Variants in SEC62 observed in about 807,000 individuals in gnomAD.
The protein encoded by SEC62 is translocation protein SEC62.
A neutral mutation model predicts 47.5 loss-of-function variants in SEC62; 10 were observed. That is an observed-to-expected ratio of 0.21 (90% CI 0.13 to 0.36). SEC62 has a LOEUF of 0.36. Ranked by LOEUF, SEC62 falls within the 10% of genes least tolerant of loss-of-function variation. The pLI, the probability that SEC62 is intolerant of heterozygous loss-of-function variation, is 1.00. For synonymous variants in SEC62, 136 were observed against 150.5 expected (o/e 0.90, Z 0.71); for missense variants, 327 against 464.1 (o/e 0.70, Z 2.71).
At chr3:169,975,452 T>C in intron 1 of SEC62, 156 bp from the exon 2 acceptor site, 1 of 505,536 alleles carries the variant, frequency 2.0e-6, no homozygotes, top group Non-Finnish European at 3.5e-6. Flanking sequence ...TCCATTTTTG[T>C]CTTTTGAATA....
At chr3:169,979,279 A>G (rs1714916071) in intron 3 of SEC62, among the ~76,000 whole-genome samples, 3 of 152,228 alleles carry the variant, frequency 2.0e-5, no homozygotes. Context: ...CCAATAGCAG[A>G]CAAAATCACA....
intron 7 of SEC62, among the ~76,000 whole-genome samples, chr3:169,990,842 A>G (rs973676751): frequency 1.3e-5 from 2 of 152,236 alleles, no homozygotes; most frequent in Admixed American, 6.5e-5. Context: ...CAAGACAGCT[A>G]TAACGATTTT....
chr3:169,988,206 T>C (rs1261857935), intron 6 of SEC62, 34 bp from the exon 7 acceptor site: 1 of 1,611,980 alleles, frequency 6.2e-7, no homozygotes, highest in Non-Finnish European at 8.5e-7. Context: ...AAGTTTTTAT[T>C]CTAAAATTTA....
intron 7 of SEC62, among the ~76,000 whole-genome samples, chr3:169,990,485 A>ATG (rs2108288639): frequency 6.6e-6 from 1 of 152,276 alleles, no homozygotes; most frequent in Non-Finnish European, 1.5e-5. Context: ...AGTGCCACAT[A>ATG]GCGAAAAACT....
In SEC62 at chr3:169,998,348, A is replaced by G. The variant is rs1055772687; in HGVS notation, c.*5285A>G. 1.3e-5 allele frequency: 2 copies of G among 152,200 alleles called. No homozygotes were observed. The highest frequency in any genetic ancestry group is 4.8e-5 in the African/African-American group (2 of 41,448). The allele number at this position is 152,200 out of a possible 1,614,324, so 9.4% of individuals were successfully genotyped here. On this transcript the variant is annotated 3_prime_UTR_variant, in exon 8 of 8. Coordinates refer to ENST00000337002, the MANE Select transcript of SEC62 (RefSeq NM_003262.4). ...TTGATAGATTATATCTTACTCCTAA[A>G]TAAAAAGTCAAGATTTTTGTAGCAA...
At position 169,992,104 on chromosome 3, in the gene SEC62, T is replaced by C. The variant is rs552653341; in HGVS notation, c.731-490T>C. On this transcript the variant is annotated intron_variant, in intron 7 of 7. Coordinates refer to ENST00000337002, the MANE Select transcript of SEC62 (RefSeq NM_003262.4). This position sits in a 1 kb window ranked among gnomAD's most constrained non-coding sequence, Gnocchi z 4.0. ...AAACACCTTTCATCTCTTTATTTTA[T>C]TCTTTTCCTACACCATGATCTTATG... Among the ~76,000 whole-genome samples the C allele has an allele frequency of 3.3e-5, 5 of 152,368 alleles. No individual in the cohort carries two copies. Among genetic ancestry groups the C allele is most frequent in the African/African-American group, 1.2e-4 (5 of 41,592 alleles).
intron 5 of SEC62, among the ~76,000 whole-genome samples, chr3:169,984,557 C>T (rs1715053888): frequency 6.6e-6 from 1 of 152,138 alleles, no homozygotes; most frequent in South Asian, 2.1e-4. Flanking sequence ...TGAGCAAACG[C>T]ATGGGTGCTT....
At chr3:169,980,449 T>A (rs1053525159) in intron 3 of SEC62, among the ~76,000 whole-genome samples, 3 of 152,182 alleles carry the variant, frequency 2.0e-5, no homozygotes, top group Admixed American at 2.0e-4. Context: ...ATAATGTCAG[T>A]CTCATCTTTC....
At position 169,993,469 on chromosome 3, in the gene SEC62, C is replaced by A. The variant is rs2108290158; in HGVS notation, c.*406C>A. ...ATTATGCATAGTTATGTAGCCATTT[C>A]ACAGTTTCTTTAAGATGTGTAAACT... On this transcript the variant is annotated 3_prime_UTR_variant, in exon 8 of 8. Coordinates refer to ENST00000337002, the MANE Select transcript of SEC62 (RefSeq NM_003262.4). The A allele has an allele frequency of 6.3e-6, 1 of 157,516 alleles. No individual in the cohort carries two copies. Among genetic ancestry groups the A allele is most frequent in the South Asian group, 2.0e-4 (1 of 5,128 alleles). The allele number at this position is 157,516 out of a possible 1,614,324, so 9.8% of individuals were successfully genotyped here.
At chr3:169,970,024 C>T (rs1327323230) in intron 1 of SEC62, among the ~76,000 whole-genome samples, 1 of 152,130 alleles carries the variant, frequency 6.6e-6, no homozygotes, top group Non-Finnish European at 1.5e-5. Context: ...GACTATATAG[C>T]CAGACTATAC....
intron 5 of SEC62, chr3:169,985,571 AC>A: frequency 2.7e-6 from 1 of 372,486 alleles, no homozygotes; most frequent in Non-Finnish European, 4.8e-6. Flanking sequence ...GTAAGAACAT[AC>A]AAATTTACTT....
In SEC62 at chr3:169,992,869, G is replaced by A. The variant is rs377711845; in HGVS notation, c.1006G>A (p.Gly336Arg). Reference protein sequence around the residue: ...GPGNHGTEGSGGERHSDTDSD... With the variant: ...GPGNHGTEGSRGERHSDTDSD... ...AGGAAATCATGGAACAGAAGGCTCG[G>A]GGGGAGAACGGCATTCAGACACGGA... Residue 336 changes from glycine to arginine, a missense_variant, in exon 8 of 8, where the codon GGG (glycine) becomes AGG (arginine). Gly to Arg is a moderately radical substitution (Grantham distance 125, BLOSUM62 -2). Around this residue, in one of 3 missense-constraint regions of SEC62, gnomAD observed 102 missense variants for 108.8 expected, o/e 0.94. Coordinates refer to ENST00000337002, the MANE Select transcript of SEC62 (RefSeq NM_003262.4). The surrounding 1 kb of genome is among the most constrained non-coding windows in gnomAD (Gnocchi z 4.0). 6.8e-6 allele frequency: 11 copies of A among 1,613,950 alleles called. No homozygotes were observed. In the South Asian group the frequency reaches 7.7e-5, roughly 11 times the overall value.
intron 3 of SEC62, chr3:169,978,699 C>G (rs556991840): frequency 6.6e-6 from 1 of 152,340 alleles, no homozygotes; most frequent in East Asian, 1.9e-4. Flanking sequence ...GCACTCCAAC[C>G]TGGGTGACAG....
chr3:169,975,443 C>T (rs75920955), intron 1 of SEC62, 165 bp from the exon 2 acceptor site: 6,351 of 495,826 alleles, frequency 0.013, 318 homozygotes, highest in East Asian at 0.12. Flanking sequence ...CTTTAAATCT[C>T]CATTTTTGTC....
rs1187007329 is a variant in SEC62 at position 169,996,247 on chromosome 3, T to C, written c.*3184T>C. The C allele has an allele frequency of 6.6e-6, 1 of 152,660 alleles. No homozygotes were observed. The highest frequency in any genetic ancestry group is 1.5e-5 in the Non-Finnish European group (1 of 68,040). 9.5% of individuals were successfully genotyped at this position (152,660 alleles called of 1,614,324 possible). The stretch of plus-strand genomic sequence containing the variant: ...ACATTTATCTACCTGGTTTATGGAA[T>C]AGAATTTATTGCTGAATCATGCTCC... On this transcript the variant is annotated 3_prime_UTR_variant, in exon 8 of 8. Transcript: ENST00000337002.
At chr3:169,983,314 G>T in intron 5 of SEC62, 61 bp downstream of exon 5, 1 of 1,126,890 alleles carries the variant, frequency 8.9e-7, no homozygotes, top group East Asian at 2.6e-5. Flanking sequence ...AAAGATGTTT[G>T]ATGCCTTCAC....
At chr3:169,986,382 A>G (rs1021579967) in intron 6 of SEC62, among the ~76,000 whole-genome samples, 1 of 152,296 alleles carries the variant, frequency 6.6e-6, no homozygotes, top group East Asian at 1.9e-4. Context: ...TTTTTTTCCA[A>G]ATCCCTTAGA....
rs1715310043 is a variant in SEC62 at position 169,993,896 on chromosome 3, T to G, written c.*833T>G. ...ATTAAGACCATGTAAGGGTATGTTTTTAGAGAAATGGAAGTTTGAGTAACC... is the reference window on the plus strand; with the variant it reads ...ATTAAGACCATGTAAGGGTATGTTTGTAGAGAAATGGAAGTTTGAGTAACC... On this transcript the variant is annotated 3_prime_UTR_variant, in exon 8 of 8. Transcript: ENST00000337002. The G allele has an allele frequency of 6.6e-6, 1 of 152,662 alleles. No individual in the cohort carries two copies. The highest frequency in any genetic ancestry group is 2.4e-5 in the African/African-American group (1 of 41,456). 9.5% of individuals were successfully genotyped at this position (152,662 alleles called of 1,614,324 possible).
intron 1 of SEC62, among the ~76,000 whole-genome samples, chr3:169,974,407 A>T (rs1015597014): frequency 6.6e-6 from 1 of 152,256 alleles, no homozygotes; most frequent in African/African-American, 2.4e-5. Context: ...ACAAAGATAG[A>T]CTGCCTTCAT....
Sources: allele counts gnomAD v4.1 joint callset (sites outside exome capture counted in the v4.1 genomes callset), GRCh38; gene constraint gnomAD v4.1.1; regional missense constraint gnomAD v4.1.1; non-coding constraint Gnocchi (gnomAD v3.1); transcripts MANE v1.5; gene names NCBI Gene and HGNC (gene_info 2026-07-23, HGNC 2026-07-21).